MCF2L2: variants seen among roughly 807,000 people sequenced by gnomAD.
The protein encoded by MCF2L2 is probable guanine nucleotide exchange factor MCF2L2.
In MCF2L2, 102 loss-of-function variants were observed where a neutral mutation model predicts 150.2. The ratio of observed to expected loss-of-function variants is 0.68; its 90% CI spans 0.58 to 0.80. The LOEUF (loss-of-function observed/expected upper bound fraction) is 0.80, where lower values mean the gene tolerates loss of function less well. Ranked by LOEUF, MCF2L2 falls within the 30% of genes least tolerant of loss-of-function variation. MCF2L2 has a pLI of 0.00. For missense variants in MCF2L2, 1,256 were observed against 1,372.8 expected (o/e 0.91, Z 1.34); for synonymous variants, 465 against 491.3 (o/e 0.95, Z 0.71).
intron 1 of MCF2L2, among the ~76,000 whole-genome samples, chr3:183,418,926 T>C (rs1715734144): frequency 6.6e-6 from 1 of 152,234 alleles, no homozygotes; most frequent in Non-Finnish European, 1.5e-5. Flanking sequence ...ACAGCTTCAC[T>C]AGGCAGTTCC....
intron 13 of MCF2L2, 54 bp from the exon 14 acceptor site, chr3:183,289,274 G>A (rs1727982251): frequency 8.1e-7 from 1 of 1,228,828 alleles, no homozygotes; most frequent in Non-Finnish European, 1.2e-6. Context: ...ATAACTCAGT[G>A]CACTTTGTCT....
At chr3:183,396,714 GTC>G (rs1553794631) in intron 1 of MCF2L2, among the ~76,000 whole-genome samples, 5 of 152,074 alleles carry the variant, frequency 3.3e-5, no homozygotes, top group Non-Finnish European at 5.9e-5. Context: ...GCTGGAAATG[GTC>G]TGTGGACAAA....
intron 1 of MCF2L2, among the ~76,000 whole-genome samples, chr3:183,417,115 C>CA (rs74989072): frequency 0.065 from 2,857 of 44,230 alleles, 548 homozygotes; most frequent in East Asian, 0.12. Context: ...GACTCTGTCT[C>CA]AAAAAAAAAA....
intron 22 of MCF2L2, among the ~76,000 whole-genome samples, chr3:183,211,255 G>C (rs1421721734): frequency 2.0e-5 from 3 of 152,102 alleles, no homozygotes; most frequent in African/African-American, 7.2e-5. Context: ...TGTGGATCCT[G>C]GGTTTGCTCA....
At chr3:183,382,262 T>C (rs1337171598) in intron 2 of MCF2L2, among the ~76,000 whole-genome samples, 1 of 152,112 alleles carries the variant, frequency 6.6e-6, no homozygotes, top group Admixed American at 6.5e-5. Context: ...TTTCACCATG[T>C]TGGCCAGGCT....
intron 1 of MCF2L2, among the ~76,000 whole-genome samples, chr3:183,402,880 A>G (rs1714844999): frequency 6.8e-6 from 1 of 147,132 alleles, no homozygotes; most frequent in Non-Finnish European, 1.5e-5. Context: ...ATATATATAT[A>G]TACGAAATTT....
chr3:183,268,519 G>A (rs754364770), intron 15 of MCF2L2, among the ~76,000 whole-genome samples: 18 of 151,954 alleles, frequency 1.2e-4, no homozygotes, highest in Non-Finnish European at 2.4e-4. Context: ...TGGGGGGGGC[G>A]GTTCCAGATT....
intron 1 of MCF2L2, among the ~76,000 whole-genome samples, chr3:183,409,699 T>C (rs1715225547): frequency 6.6e-6 from 1 of 151,780 alleles, no homozygotes; most frequent in African/African-American, 2.4e-5. Flanking sequence ...GTATTACAGG[T>C]GCCCATGACC....
chr3:183,374,753 G>C (rs1057384495), intron 3 of MCF2L2: 1 of 152,076 alleles, frequency 6.6e-6, no homozygotes, highest in Non-Finnish European at 1.5e-5. Flanking sequence ...GTGAGCAATA[G>C]GATCTGGATT....
chr3:183,226,816 G>T (rs1723362013), intron 18 of MCF2L2: 1 of 152,150 alleles, frequency 6.6e-6, no homozygotes, highest in Non-Finnish European at 1.5e-5. Context: ...ATTCAAAATA[G>T]TATATAAAGC....
intron 3 of MCF2L2, among the ~76,000 whole-genome samples, chr3:183,355,028 G>A (rs1016544125): frequency 2.6e-5 from 4 of 151,108 alleles, no homozygotes; most frequent in Admixed American, 2.6e-4. Context: ...TAAAGCACTG[G>A]CATAAAATGC....
rs531050579 is a variant in MCF2L2 at position 183,302,960 on chromosome 3, C to T, written c.1114-2764G>A. On this transcript the variant is annotated intron_variant, in intron 10 of 29. Coordinates refer to ENST00000328913, the MANE Select transcript of MCF2L2 (RefSeq NM_015078.4). ...CAGTAATCCCAGCACTTTGGGAGGCCGAGACGGGCAGATCATGAGGTCAGG... is the reference window on the plus strand; with the variant it reads ...CAGTAATCCCAGCACTTTGGGAGGCTGAGACGGGCAGATCATGAGGTCAGG... Among the ~76,000 whole-genome samples the T allele has an allele frequency of 5.9e-5, 9 of 152,136 alleles. No homozygotes were observed. In the East Asian group the frequency reaches 7.7e-4, roughly 13 times the overall value.
At chr3:183,361,734 T>C (rs993652680) in intron 3 of MCF2L2, among the ~76,000 whole-genome samples, 7 of 152,226 alleles carry the variant, frequency 4.6e-5, no homozygotes, top group African/African-American at 1.7e-4. Flanking sequence ...ACATTATTTG[T>C]TTTTGCTCTA....
At chr3:183,297,392 C>T (rs1426033968) in intron 11 of MCF2L2, 16 of 485,816 alleles carry the variant, frequency 3.3e-5, no homozygotes, top group African/African-American at 1.5e-4. Context: ...GGAAGTCACT[C>T]GGTCAGCAAA....
chr3:183,207,699 A>G lies in MCF2L2; in HGVS notation c.2621T>C (p.Leu874Pro), dbSNP rs1560341927. Residue 874 changes from leucine (L) to proline (P), a missense_variant, in exon 23 of 30, where the codon CTA becomes CCA. Transcript: ENST00000328913. ...RFKPSQRQIYLFERGIVFCKI... is the reference protein window; with the variant it reads ...RFKPSQRQIYPFERGIVFCKI... ...ACAGAACACTATTCCCCTTTCAAAT[A>G]GGTAGATTTGCCTCTGGCTGGGTTT... 3 of 1,614,138 alleles carry G rather than the reference A, an allele frequency of 1.9e-6. No individual in the cohort carries two copies. The highest frequency in any genetic ancestry group is 4.5e-5 in the East Asian group (2 of 44,892).
intron 22 of MCF2L2, 35 bp downstream of exon 22, chr3:183,215,934 T>C: frequency 6.2e-7 from 1 of 1,600,700 alleles, no homozygotes; most frequent in Non-Finnish European, 8.5e-7. Flanking sequence ...ACCTGCCTTT[T>C]GTGTGAGATG....
At chr3:183,201,720 C>T (rs1034132440) in intron 25 of MCF2L2, among the ~76,000 whole-genome samples, 2 of 152,156 alleles carry the variant, frequency 1.3e-5, no homozygotes, top group African/African-American at 4.8e-5. Flanking sequence ...AAAGGGAATA[C>T]TTCCAGTTTT....
At position 183,216,014 on chromosome 3, in the gene MCF2L2, C is replaced by T; in HGVS notation, c.2451G>A (p.Lys817=). Residue 817 remains lysine (K), a synonymous_variant, in exon 22 of 30, where the codon AAG becomes AAA. Coordinates refer to ENST00000328913, the MANE Select transcript of MCF2L2 (RefSeq NM_015078.4). ...CTAGGTCCACAGCCAACTCACAGGA[C>T]TTGATCAAATCCTCTATCACTGCCA... ...QALAVIEDLI[K]SCELAVDLAA... 6.2e-7 allele frequency: 1 copy of T among 1,613,978 alleles called. No homozygotes were observed. Among genetic ancestry groups the T allele is most frequent in the East Asian group, 2.2e-5 (1 of 44,850 alleles).
At chr3:183,304,892 T>C (rs1234987476) in intron 10 of MCF2L2, among the ~76,000 whole-genome samples, 1 of 152,158 alleles carries the variant, frequency 6.6e-6, no homozygotes, top group East Asian at 1.9e-4. Context: ...TGACAGACCT[T>C]TCCTAGCACT....
Sources: allele counts gnomAD v4.1 joint callset (sites outside exome capture counted in the v4.1 genomes callset), GRCh38; gene constraint gnomAD v4.1.1; transcripts MANE v1.5; gene names NCBI Gene and HGNC (gene_info 2026-07-23, HGNC 2026-07-21).